The following DCLK2 variants were observed in gnomAD, a reference collection of about 807,000 sequenced individuals.
DCLK2 encodes the protein serine/threonine-protein kinase DCLK2.
A neutral mutation model predicts 78.4 loss-of-function variants in DCLK2; 31 were observed. The ratio of observed to expected loss-of-function variants is 0.40; its 90% CI spans 0.30 to 0.53. DCLK2 has a LOEUF of 0.53. DCLK2 is among the 20% of genes least tolerant of loss of function. The pLI is 0.61. For missense variants in DCLK2, 872 were observed against 973.7 expected (o/e 0.90, Z 1.39); for synonymous variants, 407 against 374.9 (o/e 1.09, Z -0.99).
chr4:150,112,966 A>C (rs1731803259), intron 2 of DCLK2, among the ~76,000 whole-genome samples: 3 of 151,792 alleles, frequency 2.0e-5, no homozygotes, highest in South Asian at 4.2e-4. Flanking sequence ...GCATGCCACC[A>C]TACCTGGCTA....
intron 7 of DCLK2, among the ~76,000 whole-genome samples, chr4:150,222,740 C>G (rs1003102095): frequency 1.1e-4 from 17 of 151,966 alleles, no homozygotes; most frequent in African/African-American, 4.1e-4. Context: ...GTGGCACACG[C>G]CTGAAGTCCC....
At chr4:150,187,282 T>C (rs1738026863) in intron 2 of DCLK2, among the ~76,000 whole-genome samples, 1 of 152,126 alleles carries the variant, frequency 6.6e-6, no homozygotes, top group African/African-American at 2.4e-5. Context: ...CTTCCTGCCT[T>C]GGCCTCCCAA....
chr4:150,176,314 G>A (rs755388933), intron 2 of DCLK2, among the ~76,000 whole-genome samples: 4 of 152,130 alleles, frequency 2.6e-5, no homozygotes, highest in Admixed American at 6.6e-5. Flanking sequence ...CGGCACAGGC[G>A]CAGGCACAGT....
chr4:150,197,072 T>G (rs1739092099), intron 3 of DCLK2, among the ~76,000 whole-genome samples: 1 of 151,510 alleles, frequency 6.6e-6, no homozygotes, highest in African/African-American at 2.4e-5. Context: ...GAGAATCACT[T>G]GAACCTGGGA....
intron 1 of DCLK2, among the ~76,000 whole-genome samples, chr4:150,093,697 G>A (rs1019016092): frequency 4.6e-5 from 7 of 152,136 alleles, no homozygotes; most frequent in African/African-American, 1.7e-4. Flanking sequence ...ATTTTTTACA[G>A]AAATAGAAAA....
rs114610870 is a variant in DCLK2 at position 150,095,795 on chromosome 4, G to T, written c.422-6683G>T. The stretch of plus-strand genomic sequence containing the variant: ...TTGCTTTACTAAACTCTTTGCCAGA[G>T]GTGCTTAATCTTGAAGGGTCAGTGG... On this transcript the variant is annotated intron_variant, in intron 1 of 15. Coordinates refer to ENST00000296550, the MANE Select transcript of DCLK2 (RefSeq NM_001040260.4). 1.1e-3 allele frequency among the ~76,000 whole-genome samples: 172 copies of T among 152,332 alleles called. 1 individual carries two copies. Among genetic ancestry groups the T allele is most frequent in the African/African-American group, 3.9e-3 (161 of 41,574 alleles).
At chr4:150,221,616 T>G in intron 6 of DCLK2, 61 bp from the exon 7 acceptor site, 1 of 1,028,254 alleles carries the variant, frequency 9.7e-7, no homozygotes, top group South Asian at 1.8e-5. Flanking sequence ...TTTACAAATA[T>G]GTAGGAATCT....
chr4:150,102,376 AG>A (rs1730947777), intron 1 of DCLK2, 101 bp from the exon 2 acceptor site: 1 of 1,070,518 alleles, frequency 9.3e-7, no homozygotes, highest in African/African-American at 1.6e-5. Flanking sequence ...GAACCCACTA[AG>A]GTTAAGGGTT....
intron 2 of DCLK2, among the ~76,000 whole-genome samples, chr4:150,127,166 C>T (rs72730352): frequency 1.3e-5 from 2 of 152,118 alleles, no homozygotes; most frequent in South Asian, 2.1e-4. Flanking sequence ...TTCTAGGTTT[C>T]TCCACCTGTA....
chr4:150,169,561 G>A (rs1211540218), intron 2 of DCLK2, among the ~76,000 whole-genome samples: 3 of 151,950 alleles, frequency 2.0e-5, no homozygotes, highest in African/African-American at 7.3e-5. Flanking sequence ...GGAGGCTGAG[G>A]CAGGAGAATC....
chr4:150,155,310 A>C (rs1474784182), intron 2 of DCLK2, among the ~76,000 whole-genome samples: 1 of 152,212 alleles, frequency 6.6e-6, no homozygotes, highest in Non-Finnish European at 1.5e-5. Flanking sequence ...CAGCATTAAC[A>C]ACCTACAGAT....
chr4:150,253,870 G>C, intron 15 of DCLK2: 1 of 985,480 alleles, frequency 1.0e-6, no homozygotes, highest in South Asian at 4.7e-5. Context: ...AGCAGCTTAA[G>C]ATGGTGCCTT....
At chr4:150,135,162 G>A (rs1177053751) in intron 2 of DCLK2, among the ~76,000 whole-genome samples, 1 of 84,878 alleles carries the variant, frequency 1.2e-5, no homozygotes, top group Non-Finnish European at 2.4e-5. Flanking sequence ...TCTCATACAC[G>A]TGTACACACA....
chr4:150,091,769 ATGTG>A (rs57146406), intron 1 of DCLK2, among the ~76,000 whole-genome samples: 4,035 of 117,030 alleles, frequency 0.034, 85 homozygotes, highest in African/African-American at 0.064. Flanking sequence ...AGGAACATTT[ATGTG>A]TGTGTGTGTG....
chr4:150,079,938 G>T (rs1166015462), intron 1 of DCLK2, among the ~76,000 whole-genome samples: 1 of 152,186 alleles, frequency 6.6e-6, no homozygotes, highest in South Asian at 2.1e-4. Flanking sequence ...CCTTGCAGCA[G>T]AAGTTACTTG....
intron 1 of DCLK2, among the ~76,000 whole-genome samples, chr4:150,082,767 G>T (rs1457588455): frequency 1.3e-5 from 2 of 152,186 alleles, no homozygotes; most frequent in Non-Finnish European, 2.9e-5. Context: ...CAGATGACTT[G>T]TTCTTTAGCT....
chr4:150,254,487 G>C (rs1334992836), intron 15 of DCLK2: 1 of 398,682 alleles, frequency 2.5e-6, no homozygotes, highest in Non-Finnish European at 4.4e-6. Flanking sequence ...ACACGCCCCT[G>C]TGCTTCTGAC....
chr4:150,118,000 G>A (rs914521425), intron 2 of DCLK2, among the ~76,000 whole-genome samples: 1 of 152,170 alleles, frequency 6.6e-6, no homozygotes, highest in African/African-American at 2.4e-5. Flanking sequence ...CCATTTTACA[G>A]TGGGGAAATT....
At chr4:150,081,313 T>C (rs1251752584) in intron 1 of DCLK2, among the ~76,000 whole-genome samples, 1 of 152,236 alleles carries the variant, frequency 6.6e-6, no homozygotes, top group African/African-American at 2.4e-5. Context: ...GTACTTAGTA[T>C]AGATTGCGTC....
Sources: gnomAD v4.1 joint callset for allele counts (sites outside exome capture counted in the v4.1 genomes callset) on GRCh38, gnomAD v4.1.1 for gene constraint, MANE v1.5 for transcripts, NCBI Gene and HGNC (gene_info 2026-07-23, HGNC 2026-07-21) for gene names.